The following ADAM10 variants were observed in gnomAD, a reference collection of about 807,000 sequenced individuals.
ADAM10 encodes ADAM metallopeptidase domain 10, also known as disintegrin and metalloproteinase domain-containing protein 10.
In ADAM10, 17 loss-of-function variants were observed where a neutral mutation model predicts 90.1. That is an observed-to-expected ratio of 0.19 (90% confidence interval 0.13 to 0.28). ADAM10 has a LOEUF of 0.28. Ranked by LOEUF, ADAM10 falls within the 10% of genes least tolerant of loss-of-function variation. The pLI is 1.00. For synonymous variants in ADAM10, 310 were observed against 298.6 expected (o/e 1.04, Z -0.40); for missense variants, 610 against 914.3 (o/e 0.67, Z 4.29).
At chr15:58,742,296 G>A (rs887764394) in intron 1 of ADAM10, among the ~76,000 whole-genome samples, 5 of 152,104 alleles carry the variant, frequency 3.3e-5, no homozygotes, top group Non-Finnish European at 7.4e-5. Flanking sequence ...TCAATCTTAT[G>A]ATGGGTTGTG....
chr15:58,621,707 C>T, intron 10 of ADAM10, 86 bp from the exon 11 acceptor site: 1 of 1,529,750 alleles, frequency 6.5e-7, no homozygotes, highest in South Asian at 1.1e-5. Context: ...ATCATCATAA[C>T]AAAGGGATAA....
chr15:58,720,149 A>T (rs1898795463), intron 1 of ADAM10, among the ~76,000 whole-genome samples: 1 of 152,198 alleles, frequency 6.6e-6, no homozygotes, highest in Non-Finnish European at 1.5e-5. Flanking sequence ...AAATGGAGAC[A>T]ACAATGCCTA....
At chr15:58,607,570 T>C (rs1895312858) in intron 14 of ADAM10, among the ~76,000 whole-genome samples, 1 of 152,198 alleles carries the variant, frequency 6.6e-6, no homozygotes, top group Admixed American at 6.5e-5. Flanking sequence ...CTCTAAATCT[T>C]TCATTCATAA....
chr15:58,618,230 G>A (rs1402444941), intron 11 of ADAM10, among the ~76,000 whole-genome samples: 7 of 110,250 alleles, frequency 6.3e-5, no homozygotes, highest in Non-Finnish European at 1.1e-4. Context: ...TATATTTACA[G>A]CCAATTGATT....
chr15:58,686,612 C>T, intron 2 of ADAM10: 1 of 919,584 alleles, frequency 1.1e-6, no homozygotes, highest in Non-Finnish European at 1.8e-6. Flanking sequence ...CTGTGCTTTA[C>T]TCTGAAGACT....
At chr15:58,652,755 TTTTCTA>T (rs1225716576) in intron 5 of ADAM10, among the ~76,000 whole-genome samples, 1 of 152,180 alleles carries the variant, frequency 6.6e-6, no homozygotes, top group Non-Finnish European at 1.5e-5. Flanking sequence ...TCAAATGGCT[TTTTCTA>T]TTTCTGTGAA....
At chr15:58,675,795 T>C (rs1897292777) in intron 4 of ADAM10, among the ~76,000 whole-genome samples, 1 of 152,170 alleles carries the variant, frequency 6.6e-6, no homozygotes, top group Admixed American at 6.5e-5. Context: ...TTCTATACAT[T>C]TATGCCTTCA....
intron 1 of ADAM10, among the ~76,000 whole-genome samples, chr15:58,738,308 A>G (rs1286593564): frequency 6.6e-6 from 1 of 152,206 alleles, no homozygotes. Context: ...TCAGGCACTA[A>G]ATACCACTAA....
chr15:58,644,341 T>TG (rs1896494873), intron 6 of ADAM10, among the ~76,000 whole-genome samples: 1 of 151,700 alleles, frequency 6.6e-6, no homozygotes, highest in Non-Finnish European at 1.5e-5. Flanking sequence ...GTGATTCTCC[T>TG]GCCTCAGCCT....
chr15:58,703,198 T>C (rs149832298), intron 2 of ADAM10, among the ~76,000 whole-genome samples: 33 of 152,106 alleles, frequency 2.2e-4, no homozygotes, highest in African/African-American at 7.7e-4. Context: ...GATTCTTTAA[T>C]TGTTTAGACT....
chr15:58,601,476 C>T (rs1895107752), intron 14 of ADAM10, among the ~76,000 whole-genome samples: 2 of 151,838 alleles, frequency 1.3e-5, no homozygotes, highest in South Asian at 2.1e-4. Context: ...AACAAACAAA[C>T]AAAAACAAAA....
chr15:58,598,063 T>C (rs1402584534), intron 15 of ADAM10, among the ~76,000 whole-genome samples: 1 of 152,182 alleles, frequency 6.6e-6, no homozygotes, highest in Non-Finnish European at 1.5e-5. Flanking sequence ...AGAATCCATA[T>C]GAGGGAATTA....
intron 1 of ADAM10, chr15:58,748,572 G>A (rs1055788278): frequency 9.7e-6 from 2 of 205,824 alleles, no homozygotes; most frequent in African/African-American, 2.3e-5. Flanking sequence ...TCATGTGCAG[G>A]GGGGAGGGGG....
chr15:58,698,008 A>C (rs898848366), intron 2 of ADAM10, among the ~76,000 whole-genome samples: 1 of 152,178 alleles, frequency 6.6e-6, no homozygotes, highest in African/African-American at 2.4e-5. Context: ...TCATAAACAC[A>C]TCTTCAGGAA....
Position 58,640,787 on chromosome 15 carries a change from T to C in ADAM10, c.1002A>G (p.Gly334=), listed in dbSNP as rs1215474560. ...DDGVLGLAWV[G]APSGSSGGIC... ...AATATGATAAACTACCTGAAGGTGCTCCAACCCAAGCCAGACCAAGTACGC... is the reference window on the plus strand; with the variant it reads ...AATATGATAAACTACCTGAAGGTGCCCCAACCCAAGCCAGACCAAGTACGC... The change falls in exon 8 of 16, where the codon GGA becomes GGG. Residue 334 remains glycine (G), a synonymous_variant. Transcript: ENST00000260408. 1.2e-6 allele frequency: 2 copies of C among 1,613,960 alleles called. No homozygotes were observed. Among genetic ancestry groups the C allele is most frequent in the Non-Finnish European group, 1.7e-6 (2 of 1,179,950 alleles).
At chr15:58,612,069 C>T (rs1466071806) in intron 11 of ADAM10, 78 bp from the exon 12 acceptor site, 1 of 1,366,836 alleles carries the variant, frequency 7.3e-7, no homozygotes, top group African/African-American at 1.4e-5. Context: ...AGATTAGATC[C>T]ACATTATTAG....
chr15:58,747,703 T>C (rs1346715798), intron 1 of ADAM10: 1 of 152,200 alleles, frequency 6.6e-6, no homozygotes, highest in Non-Finnish European at 1.5e-5. Flanking sequence ...AAAATTAGCC[T>C]TTTAACCAAT....
At chr15:58,691,267 G>T in intron 2 of ADAM10, 1 of 1,164,516 alleles carries the variant, frequency 8.6e-7, no homozygotes, top group Non-Finnish European at 1.3e-6. Context: ...TCATCCTCAG[G>T]TAGCTCCAGA....
intron 1 of ADAM10, among the ~76,000 whole-genome samples, chr15:58,743,055 C>G (rs1195628375): frequency 1.3e-5 from 2 of 152,106 alleles, no homozygotes; most frequent in Non-Finnish European, 2.9e-5. Flanking sequence ...GAGACCTTGT[C>G]TCAAAAACAA....
Sources: gnomAD v4.1 joint callset for allele counts (sites outside exome capture counted in the v4.1 genomes callset) on GRCh38, gnomAD v4.1.1 for gene constraint, MANE v1.5 for transcripts, NCBI Gene and HGNC (gene_info 2026-07-23, HGNC 2026-07-21) for gene names.